The following MYT1L variants were observed in gnomAD, a reference collection of about 807,000 sequenced individuals.
The protein encoded by MYT1L is myelin transcription factor 1 like.
Under a neutral mutation model 126.7 loss-of-function variants are expected in MYT1L, and 12 were observed. The observed-to-expected ratio is 0.09, with a 90% CI of 0.06 to 0.15. MYT1L has a LOEUF of 0.15. MYT1L is among the 10% of genes least tolerant of loss of function. The pLI, the probability that MYT1L is intolerant of heterozygous loss-of-function variation, is 1.00. For missense variants in MYT1L, 979 were observed against 1,585.2 expected (o/e 0.62, Z 6.49); for synonymous variants, 541 against 604.2 (o/e 0.90, Z 1.53).
chr2:2,041,651 G>T (rs897307406), intron 4 of MYT1L, among the ~76,000 whole-genome samples: 8 of 152,252 alleles, frequency 5.3e-5, no homozygotes, highest in African/African-American at 7.2e-5. Context: ...GGCCCCAGGA[G>T]GACCTTTGCC....
chr2:2,117,345 G>A (rs1334918696), intron 3 of MYT1L, among the ~76,000 whole-genome samples: 1 of 152,222 alleles, frequency 6.6e-6, no homozygotes, highest in Non-Finnish European at 1.5e-5. Flanking sequence ...CAGTAGAGAA[G>A]GAAGGAATCT....
intron 20 of MYT1L, among the ~76,000 whole-genome samples, chr2:1,840,195 C>A (rs1422410495): frequency 6.6e-6 from 1 of 151,784 alleles, no homozygotes; most frequent in Non-Finnish European, 1.5e-5. Context: ...AAACTTTTTT[C>A]TGGGGATGTG....
At chr2:2,242,278 A>C (rs1406309136) in intron 2 of MYT1L, among the ~76,000 whole-genome samples, 3 of 152,342 alleles carry the variant, frequency 2.0e-5, no homozygotes, top group African/African-American at 7.2e-5. Context: ...GGCCCAGTAA[A>C]TATCTCCCAA....
chr2:2,184,756 C>T (rs1305286038), intron 2 of MYT1L, among the ~76,000 whole-genome samples: 2 of 152,170 alleles, frequency 1.3e-5, no homozygotes, highest in East Asian at 3.9e-4. Context: ...TGTTCTCTTC[C>T]TGTGATGATA....
At chr2:1,891,618 C>T (rs1412763228) in intron 15 of MYT1L, among the ~76,000 whole-genome samples, 1 of 152,196 alleles carries the variant, frequency 6.6e-6, no homozygotes, top group Non-Finnish European at 1.5e-5. Flanking sequence ...AGTCCATAGG[C>T]AGATCCCTGC....
rs571201416 is a variant in MYT1L at position 1,868,630 on chromosome 2, G to A, written c.2712-16927C>T. Among the ~76,000 whole-genome samples the A allele has an allele frequency of 5.3e-5, 8 of 152,328 alleles. No homozygotes were observed. In the South Asian group the frequency reaches 8.3e-4, roughly 16 times the overall value. On this transcript the variant is annotated intron_variant, in intron 18 of 24. Coordinates refer to ENST00000647738, the MANE Select transcript of MYT1L (RefSeq NM_001303052.2). ...GGAGGAAGGCTCTTTGAAGGCTTAG[G>A]AAGGGAAGGGGGTCCATTCCTCAGG... is the stretch of plus-strand genomic sequence containing the variant.
At chr2:1,824,640 C>T (rs1255160446) in intron 21 of MYT1L, 2 of 152,316 alleles carry the variant, frequency 1.3e-5, no homozygotes, top group Non-Finnish European at 2.9e-5. Context: ...GAGCACTGAC[C>T]AGCACTCAGG....
rs904592258 is a variant in MYT1L at position 1,889,036 on chromosome 2, T to G, written c.2520+205A>C. ...AAATAAACTTTATCATTTACAAGAG[T>G]CAATACTTTGTTTCACTCTAATCAA... On this transcript the variant is annotated intron_variant, in intron 16 of 24. Transcript: ENST00000647738. The surrounding 1 kb of genome is among the most constrained non-coding windows in gnomAD (Gnocchi z 4.1). 3.3e-5 allele frequency among the ~76,000 whole-genome samples: 5 copies of G among 152,126 alleles called. No homozygotes were observed. Among genetic ancestry groups the G allele is most frequent in the Non-Finnish European group, 5.9e-5 (4 of 68,016 alleles).
At chr2:2,174,977 C>T (rs1052848680) in intron 2 of MYT1L, among the ~76,000 whole-genome samples, 5 of 152,078 alleles carry the variant, frequency 3.3e-5, no homozygotes, top group Non-Finnish European at 5.9e-5. Context: ...TATGAATCCC[C>T]AGGCAGCAAG....
At chr2:1,865,255 G>T (rs1166641686) in intron 18 of MYT1L, among the ~76,000 whole-genome samples, 1 of 152,166 alleles carries the variant, frequency 6.6e-6, no homozygotes, top group Non-Finnish European at 1.5e-5. Context: ...GGGCTGACGG[G>T]GCTGAGGGAC....
chr2:2,097,139 T>C (rs2077535937), intron 3 of MYT1L, among the ~76,000 whole-genome samples: 2 of 152,112 alleles, frequency 1.3e-5, no homozygotes, highest in African/African-American at 4.8e-5. Context: ...TTAAACCCAG[T>C]GTTCATTGCT....
intron 21 of MYT1L, among the ~76,000 whole-genome samples, chr2:1,829,734 T>C (rs74169690): frequency 0.012 from 597 of 49,700 alleles, 2 homozygotes; most frequent in Middle Eastern, 0.03. Flanking sequence ...TGAATTGACC[T>C]TCCCATACAC....
chr2:1,915,482 A>G (rs1341253810), intron 11 of MYT1L, among the ~76,000 whole-genome samples: 8 of 143,650 alleles, frequency 5.6e-5, no homozygotes, highest in Non-Finnish European at 1.1e-4. Flanking sequence ...AGGGAGTCAG[A>G]AGAATTTCCC....
At chr2:2,112,770 T>C (rs2079626615) in intron 3 of MYT1L, among the ~76,000 whole-genome samples, 1 of 152,240 alleles carries the variant, frequency 6.6e-6, no homozygotes, top group African/African-American at 2.4e-5. Context: ...GACCACTGCA[T>C]GGCCTCTCCA....
intron 2 of MYT1L, among the ~76,000 whole-genome samples, chr2:2,275,511 G>T (rs1479800061): frequency 6.6e-6 from 1 of 152,056 alleles, no homozygotes; most frequent in Non-Finnish European, 1.5e-5. Context: ...TGAATGAGAA[G>T]AACAAAACCA....
chr2:1,846,520 C>T (rs184271882), intron 19 of MYT1L, among the ~76,000 whole-genome samples: 2 of 152,154 alleles, frequency 1.3e-5, no homozygotes, highest in Non-Finnish European at 2.9e-5. Flanking sequence ...GGTGAGCACA[C>T]GGACAGAGCA....
intron 5 of MYT1L, 118 bp downstream of exon 5, chr2:1,997,073 G>T (rs540972083): frequency 7.7e-6 from 1 of 130,216 alleles, no homozygotes; most frequent in African/African-American, 3.0e-5. Context: ...AGTGAGGGCC[G>T]CCCTGCCTCA....
intron 21 of MYT1L, chr2:1,824,921 G>A (rs949520678): frequency 6.6e-6 from 1 of 152,278 alleles, no homozygotes; most frequent in African/African-American, 2.4e-5. Context: ...CCAGAGATAG[G>A]AGGAACTCCT....
chr2:2,307,144 G>A (rs2095869418), intron 1 of MYT1L, among the ~76,000 whole-genome samples: 1 of 152,108 alleles, frequency 6.6e-6, no homozygotes. Context: ...AAATAGATGA[G>A]CATAATGCAG....
Sources: gnomAD v4.1 joint callset for allele counts (sites outside exome capture counted in the v4.1 genomes callset) on GRCh38, gnomAD v4.1.1 for gene constraint, Gnocchi (gnomAD v3.1) non-coding constraint, MANE v1.5 for transcripts, NCBI Gene and HGNC (gene_info 2026-07-23, HGNC 2026-07-21) for gene names.